VPS50: variants seen among roughly 807,000 people sequenced by gnomAD.
The protein encoded by VPS50 is syndetin.
VPS50 carries 70 observed loss-of-function variants against 139.7 expected under a neutral mutation model. The observed-to-expected ratio is 0.50, with a 90% CI of 0.41 to 0.61. The LOEUF (loss-of-function observed/expected upper bound fraction) is 0.61. Ranked by LOEUF, VPS50 falls within the 20% of genes least tolerant of loss-of-function variation. VPS50 has a pLI of 0.00. For missense variants in VPS50, 921 were observed against 1,133.7 expected, an observed-to-expected ratio of 0.81 and a Z score of 2.69; for synonymous variants, 365 against 376.7, an observed-to-expected ratio of 0.97 and a Z score of 0.36.
intron 18 of VPS50, 47 bp downstream of exon 18, chr7:93,306,051 T>C: frequency 7.1e-7 from 1 of 1,405,298 alleles, no homozygotes; most frequent in Non-Finnish European, 1.0e-6. Flanking sequence ...TATTTAAAAC[T>C]GTTCTACTCA....
intron 2 of VPS50, among the ~76,000 whole-genome samples, chr7:93,252,036 A>C (rs970377694): frequency 3.9e-5 from 6 of 152,332 alleles, no homozygotes; most frequent in Admixed American, 3.3e-4. Context: ...ATTCTGTATC[A>C]TTAGAAAGAA....
intron 12 of VPS50, among the ~76,000 whole-genome samples, chr7:93,286,932 C>T (rs1796503609): frequency 6.6e-6 from 1 of 150,410 alleles, no homozygotes; most frequent in Admixed American, 6.6e-5. Flanking sequence ...ACTCTTTTAA[C>T]TTATTGCCAG....
chr7:93,264,936 C>T (rs150248220), intron 9 of VPS50, among the ~76,000 whole-genome samples: 184 of 152,174 alleles, frequency 1.2e-3, no homozygotes, highest in Non-Finnish European at 2.3e-3. Flanking sequence ...CACCTGCACT[C>T]CTCATCTTCT....
At chr7:93,245,420 A>G (rs1225038023) in intron 2 of VPS50, among the ~76,000 whole-genome samples, 1 of 151,854 alleles carries the variant, frequency 6.6e-6, no homozygotes, top group Non-Finnish European at 1.5e-5. Flanking sequence ...AATAGACAGT[A>G]TTGTTTTCTT....
intron 16 of VPS50, among the ~76,000 whole-genome samples, chr7:93,301,319 C>T (rs1796968592): frequency 6.6e-6 from 1 of 150,796 alleles, no homozygotes; most frequent in African/African-American, 2.4e-5. Context: ...AAAAGAAATA[C>T]GTTGTTGTAA....
chr7:93,324,150 A>AT (rs1797699637), intron 21 of VPS50, among the ~76,000 whole-genome samples: 3 of 152,194 alleles, frequency 2.0e-5, no homozygotes, highest in Non-Finnish European at 4.4e-5. Context: ...TTGTACATTG[A>AT]TTTTGTATCC....
At chr7:93,282,799 A>T (rs1796367788) in intron 12 of VPS50, among the ~76,000 whole-genome samples, 1 of 152,156 alleles carries the variant, frequency 6.6e-6, no homozygotes, top group Admixed American at 6.5e-5. Flanking sequence ...GAAGAGAGAA[A>T]CCTTTTCACT....
intron 26 of VPS50, among the ~76,000 whole-genome samples, 164 bp from the exon 27 acceptor site, chr7:93,355,722 AAACAC>A (rs756554800): frequency 3.9e-5 from 6 of 152,184 alleles, no homozygotes; most frequent in Non-Finnish European, 8.8e-5. Flanking sequence ...GACAGAGCAC[AAACAC>A]AACCCAGTCT....
chr7:93,240,560 G>T (rs964688891), intron 2 of VPS50, among the ~76,000 whole-genome samples: 1 of 152,080 alleles, frequency 6.6e-6, no homozygotes, highest in Non-Finnish European at 1.5e-5. Context: ...ATTAAGTATT[G>T]TTAAATCCCT....
chr7:93,334,267 T>A, intron 22 of VPS50, 70 bp downstream of exon 22: 6 of 860,180 alleles, frequency 7.0e-6, no homozygotes, highest in Non-Finnish European at 1.1e-5. Flanking sequence ...ATCAATTTCA[T>A]ATAAATGTGT....
chr7:93,315,386 C>T (rs370997776), intron 20 of VPS50, among the ~76,000 whole-genome samples: 36 of 152,236 alleles, frequency 2.4e-4, no homozygotes, highest in South Asian at 4.1e-4. Flanking sequence ...TGTGTATATA[C>T]AGATAGAGCT....
At chr7:93,238,605 T>C (rs1329499272) in intron 1 of VPS50, among the ~76,000 whole-genome samples, 1 of 152,180 alleles carries the variant, frequency 6.6e-6, no homozygotes, top group Non-Finnish European at 1.5e-5. Flanking sequence ...TACTGAGGTA[T>C]TGTTTTGGGA....
intron 21 of VPS50, among the ~76,000 whole-genome samples, chr7:93,333,663 C>T (rs543988030): frequency 8.5e-5 from 13 of 152,180 alleles, no homozygotes; most frequent in African/African-American, 3.1e-4. Flanking sequence ...AATAGAAAAT[C>T]GTATTGATTT....
At chr7:93,239,473 G>A (rs980632491) in intron 1 of VPS50, among the ~76,000 whole-genome samples, 18 of 152,156 alleles carry the variant, frequency 1.2e-4, no homozygotes, top group Admixed American at 8.5e-4. Flanking sequence ...TATTGTATCT[G>A]TGAATCATAA....
intron 4 of VPS50, 156 bp from the exon 5 acceptor site, chr7:93,256,353 C>T (rs1463897067): frequency 2.3e-6 from 1 of 442,816 alleles, no homozygotes; most frequent in Admixed American, 4.5e-5. Context: ...ATTTCATAGC[C>T]CAGGGAAATG....
intron 20 of VPS50, among the ~76,000 whole-genome samples, chr7:93,317,588 G>C (rs144979952): frequency 8.4e-4 from 128 of 152,168 alleles, no homozygotes; most frequent in African/African-American, 3.0e-3. Context: ...ACCGATTGCT[G>C]TCCCCCACTC....
intron 8 of VPS50, among the ~76,000 whole-genome samples, chr7:93,259,225 A>T (rs953398649): frequency 6.6e-6 from 1 of 152,040 alleles, no homozygotes; most frequent in African/African-American, 2.4e-5. Flanking sequence ...CTGAAAGAAG[A>T]TATGTTAACA....
At chr7:93,234,504 T>C (rs902237815) in intron 1 of VPS50, among the ~76,000 whole-genome samples, 1 of 152,216 alleles carries the variant, frequency 6.6e-6, no homozygotes, top group African/African-American at 2.4e-5. Flanking sequence ...ATCCTAATTA[T>C]ATATGTTATG....
At chr7:93,333,549 C>A (rs1209776314) in intron 21 of VPS50, among the ~76,000 whole-genome samples, 1 of 152,058 alleles carries the variant, frequency 6.6e-6, no homozygotes, top group Admixed American at 6.6e-5. Flanking sequence ...ATGTCTTATT[C>A]TTACCCTTCT....
Sources: gnomAD v4.1 joint callset for allele counts (sites outside exome capture counted in the v4.1 genomes callset) on GRCh38, gnomAD v4.1.1 for gene constraint, MANE v1.5 for transcripts, NCBI Gene and HGNC (gene_info 2026-07-23, HGNC 2026-07-21) for gene names.